Variants in LTN1 observed in about 807,000 individuals in gnomAD.
LTN1 encodes listerin E3 ubiquitin protein ligase 1.
Under a neutral mutation model 201.2 loss-of-function variants are expected in LTN1, and 88 were observed. The ratio of observed to expected loss-of-function variants is 0.44; its 90% CI spans 0.37 to 0.52. LTN1 has a LOEUF of 0.52. LTN1 is among the 20% of genes least tolerant of loss of function. The probability of loss-of-function intolerance (pLI) is 0.00; values close to 1 mark genes in which losing one functional copy is unlikely to be tolerated. For missense variants in LTN1, 1,752 were observed against 2,038.7 expected, an observed-to-expected ratio of 0.86 and a Z score of 2.71; for synonymous variants, 645 against 713.5, an observed-to-expected ratio of 0.90 and a Z score of 1.53.
intron 18 of LTN1, among the ~76,000 whole-genome samples, chr21:28,950,458 A>G (rs1372749543): frequency 6.6e-6 from 1 of 152,220 alleles, no homozygotes; most frequent in Non-Finnish European, 1.5e-5. Flanking sequence ...AATGTTAATT[A>G]TGCTAAAAAA....
At chr21:28,964,574 T>TA in intron 11 of LTN1, 1 of 1,520,984 alleles carries the variant, frequency 6.6e-7, no homozygotes, top group East Asian at 2.5e-5. Context: ...GAACTGAACT[T>TA]ACGATGTCTC....
At chr21:28,968,042 T>G (rs1048371489) in intron 9 of LTN1, 1 of 152,156 alleles carries the variant, frequency 6.6e-6, no homozygotes, top group Non-Finnish European at 1.5e-5. Flanking sequence ...AAAAGTTCAA[T>G]TTTCAAGAGA....
intron 27 of LTN1, among the ~76,000 whole-genome samples, chr21:28,934,569 TG>T (rs920589686): frequency 1.3e-5 from 2 of 151,472 alleles, no homozygotes; most frequent in Admixed American, 6.6e-5. Context: ...CCGCCATGAT[TG>T]TAAGTTTCTG....
At chr21:28,950,895 G>T (rs1232383866) in intron 18 of LTN1, among the ~76,000 whole-genome samples, 1 of 152,206 alleles carries the variant, frequency 6.6e-6, no homozygotes, top group Non-Finnish European at 1.5e-5. Context: ...TTAGGACAAT[G>T]GGAAGGGGAA....
At chr21:28,935,754 G>A (rs1490010767) in intron 26 of LTN1, among the ~76,000 whole-genome samples, 3 of 151,490 alleles carry the variant, frequency 2.0e-5, no homozygotes, top group African/African-American at 7.3e-5. Flanking sequence ...GCAGGAGAAT[G>A]GCATGAACCC....
At chr21:28,974,838 GT>G (rs2084602769) in intron 6 of LTN1, among the ~76,000 whole-genome samples, 1 of 152,272 alleles carries the variant, frequency 6.6e-6, no homozygotes, top group Admixed American at 6.5e-5. Flanking sequence ...GTCTAACTAT[GT>G]TGTGCAGGCT....
intron 16 of LTN1, among the ~76,000 whole-genome samples, chr21:28,954,104 C>T (rs1391401477): frequency 6.6e-6 from 1 of 151,922 alleles, no homozygotes; most frequent in Non-Finnish European, 1.5e-5. Flanking sequence ...CTAATGAGCT[C>T]GATAAAATTA....
intron 4 of LTN1, 98 bp downstream of exon 4, chr21:28,984,594 C>T: frequency 1.3e-6 from 1 of 774,260 alleles, no homozygotes; most frequent in South Asian, 1.9e-5. Flanking sequence ...TCTACTTACT[C>T]ATTCCCCTAC....
intron 1 of LTN1, among the ~76,000 whole-genome samples, chr21:28,991,508 A>G (rs1011011295): frequency 2.0e-5 from 3 of 152,198 alleles, no homozygotes; most frequent in Non-Finnish European, 2.9e-5. Context: ...ACTAACTCTT[A>G]TAAGTTCAGA....
At chr21:28,987,662 C>T (rs1479115760) in intron 1 of LTN1, among the ~76,000 whole-genome samples, 1 of 152,166 alleles carries the variant, frequency 6.6e-6, no homozygotes, top group African/African-American at 2.4e-5. Context: ...TAGTCTTCTA[C>T]TAAAAGGAGG....
chr21:28,953,544 T>G (rs1363506195), intron 16 of LTN1, among the ~76,000 whole-genome samples, 168 bp from the exon 17 acceptor site: 1 of 152,198 alleles, frequency 6.6e-6, no homozygotes, highest in East Asian at 1.9e-4. Context: ...CAATGAAAAC[T>G]GAGAATATAT....
intron 13 of LTN1, among the ~76,000 whole-genome samples, chr21:28,958,995 AT>A (rs568459531): frequency 6.6e-6 from 1 of 152,100 alleles, no homozygotes; most frequent in African/African-American, 2.4e-5. Flanking sequence ...TATAGATAGT[AT>A]TTTTTTATGT....
chr21:28,979,542 T>C (rs963092694), intron 6 of LTN1, among the ~76,000 whole-genome samples: 2 of 152,178 alleles, frequency 1.3e-5, no homozygotes, highest in Admixed American at 6.5e-5. Flanking sequence ...AATATAACAG[T>C]ATCATTTATG....
chr21:28,936,761 A>C (rs1422392257), intron 25 of LTN1, 64 bp from the exon 26 acceptor site: 3 of 1,273,512 alleles, frequency 2.4e-6, no homozygotes, highest in Non-Finnish European at 3.3e-6. Flanking sequence ...ATAAAAGAAC[A>C]ACTCAAAGTG....
intron 11 of LTN1, among the ~76,000 whole-genome samples, chr21:28,962,208 T>C (rs2084484771): frequency 6.6e-6 from 1 of 152,158 alleles, no homozygotes; most frequent in Admixed American, 6.5e-5. Flanking sequence ...GTTAGCAAGA[T>C]AAGAAATTCA....
chr21:28,973,069 C>G (rs577861935), intron 6 of LTN1, among the ~76,000 whole-genome samples: 1 of 152,004 alleles, frequency 6.6e-6, no homozygotes. Flanking sequence ...GGATGAAGGC[C>G]GGGCATGGTG....
chr21:28,956,920 C>G lies in LTN1; in HGVS notation c.2921G>C (p.Arg974Thr). 2.5e-6 allele frequency: 4 copies of G among 1,606,380 alleles called. No individual in the cohort carries two copies. Among genetic ancestry groups the G allele is most frequent in the Non-Finnish European group, 3.4e-6 (4 of 1,176,192 alleles). ...QWLHRPLLEG[R>T]LSLNYECFKT... ...GAAACATTCATAATTCAAACTCAAT[C>G]TTCCCTCTAAAAGAGGTCTATGTAA... The change falls in exon 16 of 30, where the codon AGA (arginine) becomes ACA (threonine). Residue 974 changes from arginine to threonine, a missense_variant. Physicochemically the swap from Arg to Thr is moderately conservative, Grantham distance 71. Around this residue, in one of 3 missense-constraint regions of LTN1, gnomAD observed 1,211 missense variants for 1,312.8 expected, o/e 0.92. Transcript: ENST00000361371.
At chr21:28,958,858 G>C (rs949797995) in intron 13 of LTN1, among the ~76,000 whole-genome samples, 3 of 151,388 alleles carry the variant, frequency 2.0e-5, no homozygotes, top group Non-Finnish European at 4.4e-5. Flanking sequence ...TCCAAATACA[G>C]AAGTTAGTAT....
intron 6 of LTN1, 138 bp downstream of exon 6, chr21:28,980,981 G>A: frequency 2.1e-6 from 1 of 480,174 alleles, no homozygotes; most frequent in Non-Finnish European, 3.6e-6. Context: ...AGTAAGAGAG[G>A]TAATTCAGTA....
Sources: allele counts gnomAD v4.1 joint callset (sites outside exome capture counted in the v4.1 genomes callset), GRCh38; gene constraint gnomAD v4.1.1; regional missense constraint gnomAD v4.1.1; transcripts MANE v1.5; gene names NCBI Gene and HGNC (gene_info 2026-07-23, HGNC 2026-07-21).